RGS6: variants seen among roughly 807,000 people sequenced by gnomAD.
The protein encoded by RGS6 is regulator of G-protein signaling 6.
A neutral mutation model predicts 78.5 loss-of-function variants in RGS6; 30 were observed. The observed-to-expected ratio is 0.38, with a 90% CI of 0.29 to 0.52. RGS6 has a LOEUF of 0.52. Among genes scored for constraint, RGS6 ranks in the 20% least tolerant of loss-of-function variants. RGS6 has a pLI of 0.85. For synonymous variants in RGS6, 206 were observed against 206.0 expected, an observed-to-expected ratio of 1.00 and a Z score of 0.00; for missense variants, 495 against 609.7, an observed-to-expected ratio of 0.81 and a Z score of 1.98.
At chr14:72,092,456 A>T (rs1181988948) in intron 2 of RGS6, among the ~76,000 whole-genome samples, 1 of 151,890 alleles carries the variant, frequency 6.6e-6, no homozygotes, top group African/African-American at 2.4e-5. Context: ...ATCTCAGCTC[A>T]CTGCAACCTC....
At chr14:72,031,608 C>A (rs1280076214) in intron 2 of RGS6, among the ~76,000 whole-genome samples, 1 of 152,156 alleles carries the variant, frequency 6.6e-6, no homozygotes, top group African/African-American at 2.4e-5. Flanking sequence ...ATGGGAGGCT[C>A]CATCCATGCA....
In RGS6 at chr14:72,182,433, A is replaced by C. The variant is rs1286388744; in HGVS notation, c.85-169662A>C. Among the ~76,000 whole-genome samples, 7 of 151,448 alleles carry C rather than the reference A, an allele frequency of 4.6e-5. No individual in the cohort carries two copies. In the East Asian group the frequency reaches 1.2e-3, roughly 25 times the overall value. ...CTCCATCTCAAAAAAAAAAAAAAAA[A>C]AAGCAAGCAAGAAAGTAAGAAAGAA... On this transcript the variant is annotated intron_variant, in intron 2 of 17. Transcript: ENST00000553525.
the RGS6 span, among the ~76,000 whole-genome samples, chr14:72,625,159 C>T: frequency 2.6e-5 from 4 of 152,234 alleles, no homozygotes; most frequent in African/African-American, 7.2e-5. Context: ...ATTGACAGTT[C>T]GTCCTTATAA....
At chr14:72,172,104 A>C (rs1334050346) in intron 2 of RGS6, among the ~76,000 whole-genome samples, 4 of 152,116 alleles carry the variant, frequency 2.6e-5, no homozygotes, top group African/African-American at 9.7e-5. Flanking sequence ...TCAGGGATAC[A>C]AAATGGCTCA....
rs71109718 is a variant in RGS6, at chr14:72,057,313, G to GAAAAAAAAAA, written c.84+92456_84+92465dup. Among the ~76,000 whole-genome samples the GAAAAAAAAAA allele has an allele frequency of 2.0e-3, 111 of 56,160 alleles. 2 individuals are homozygous for GAAAAAAAAAA. Among genetic ancestry groups the GAAAAAAAAAA allele is most frequent in the South Asian group, 6.1e-3 (8 of 1,314 alleles). 36.8% of individuals were successfully genotyped at this position (56,160 alleles called of 152,430 possible). Reference sequence around the variant, plus strand: ...TGAGTGACAGAGTGAGACTCTATCTGAAAAAAAAAAAAAAAAAAAAAAAAA... The same window carrying GAAAAAAAAAA: ...TGAGTGACAGAGTGAGACTCTATCTGAAAAAAAAAAAAAAAAAAAAAAAAAAAAAAAAAAA... On this transcript the variant is annotated intron_variant, in intron 2 of 17. Coordinates refer to ENST00000553525, the MANE Select transcript of RGS6 (RefSeq NM_001204424.2).
At chr14:71,981,941 C>T (rs1023298751) in intron 2 of RGS6, among the ~76,000 whole-genome samples, 5 of 151,614 alleles carry the variant, frequency 3.3e-5, no homozygotes, top group African/African-American at 1.2e-4. Context: ...CAGCGAGACT[C>T]CGTGGGCGTA....
At chr14:72,325,273 A>G (rs183599435) in intron 2 of RGS6, among the ~76,000 whole-genome samples, 1 of 152,274 alleles carries the variant, frequency 6.6e-6, no homozygotes, top group East Asian at 1.9e-4. Flanking sequence ...AGATGGGTAC[A>G]TTGCAAACGT....
chr14:72,038,212 C>T (rs372020319), intron 2 of RGS6, among the ~76,000 whole-genome samples: 33 of 152,118 alleles, frequency 2.2e-4, no homozygotes, highest in Non-Finnish European at 3.7e-4. Context: ...TCAATCAATC[C>T]GCCTGCCTCA....
At chr14:72,352,694 A>G (rs997286217) in intron 3 of RGS6, among the ~76,000 whole-genome samples, 8 of 152,202 alleles carry the variant, frequency 5.3e-5, no homozygotes, top group South Asian at 2.1e-4. Flanking sequence ...GAAATATATT[A>G]AAACACATGG....
chr14:72,346,604 G>C (rs559063827), intron 2 of RGS6, among the ~76,000 whole-genome samples: 1 of 152,218 alleles, frequency 6.6e-6, no homozygotes, highest in East Asian at 1.9e-4. Context: ...TTCCCTTGCA[G>C]ACAGAGTTTT....
chr14:71,964,058 T>C (rs1208785793), intron 1 of RGS6, among the ~76,000 whole-genome samples: 1 of 152,134 alleles, frequency 6.6e-6, no homozygotes, highest in Non-Finnish European at 1.5e-5. Context: ...ATAATAATCT[T>C]AATGGGTATG....
At chr14:72,439,425 G>T (rs767237267) in intron 3 of RGS6, among the ~76,000 whole-genome samples, 64 of 152,272 alleles carry the variant, frequency 4.2e-4, no homozygotes, top group Non-Finnish European at 8.2e-4. Context: ...AACGAGAGGT[G>T]ATGCGTGTGA....
At chr14:72,460,166 G>C (rs76313842) in intron 6 of RGS6, among the ~76,000 whole-genome samples, 9,363 of 152,300 alleles carry the variant, frequency 0.061, 299 homozygotes, top group Middle Eastern at 0.088. Flanking sequence ...GGAGTATACA[G>C]AAGTCACTCT....
At chr14:72,446,176 A>C (rs931401466) in intron 3 of RGS6, among the ~76,000 whole-genome samples, 1 of 152,196 alleles carries the variant, frequency 6.6e-6, no homozygotes, top group Admixed American at 6.5e-5. Flanking sequence ...GGCCTGGGAC[A>C]GATTCTCCCT....
chr14:72,001,796 T>TA (rs2083486161), intron 2 of RGS6, among the ~76,000 whole-genome samples: 1 of 152,050 alleles, frequency 6.6e-6, no homozygotes, highest in Non-Finnish European at 1.5e-5. Flanking sequence ...GGCCCTAAGT[T>TA]ACGTTTCTCT....
chr14:72,251,760 T>C (rs891176514), intron 2 of RGS6, among the ~76,000 whole-genome samples: 1 of 152,222 alleles, frequency 6.6e-6, no homozygotes, highest in Admixed American at 6.5e-5. Context: ...TTGGGTACTA[T>C]GCTCACTACC....
chr14:72,433,327 G>T, intron 3 of RGS6, among the ~76,000 whole-genome samples: 1 of 151,840 alleles, frequency 6.6e-6, no homozygotes. Context: ...ACACACTGGG[G>T]CCTGTCGGGG....
intron 2 of RGS6, among the ~76,000 whole-genome samples, chr14:72,192,645 G>T (rs978857361): frequency 6.6e-6 from 1 of 152,124 alleles, no homozygotes; most frequent in African/African-American, 2.4e-5. Flanking sequence ...CTATTTGCAC[G>T]TCTCTGCTCT....
At chr14:71,896,739 C>T in the RGS6 span, among the ~76,000 whole-genome samples, 1 of 152,230 alleles carries the variant, frequency 6.6e-6, no homozygotes, top group Non-Finnish European at 1.5e-5. Context: ...AATGGTAATA[C>T]TGAGAGGTTA....
Sources: gnomAD v4.1 joint callset for allele counts (sites outside exome capture counted in the v4.1 genomes callset) on GRCh38, gnomAD v4.1.1 for gene constraint, MANE v1.5 for transcripts, NCBI Gene and HGNC (gene_info 2026-07-23, HGNC 2026-07-21) for gene names.